MYRFL: variants seen among roughly 807,000 people sequenced by gnomAD.
The protein encoded by MYRFL is myelin regulatory factor-like protein.
A neutral mutation model predicts 109.4 loss-of-function variants in MYRFL; 88 were observed. The ratio of observed to expected loss-of-function variants is 0.80; its 90% CI spans 0.68 to 0.96. MYRFL has a LOEUF of 0.96. MYRFL is among the 40% of genes least tolerant of loss of function. The pLI, the probability that MYRFL is intolerant of heterozygous loss-of-function variation, is 0.00. For missense variants in MYRFL, 957 were observed against 954.9 expected, an observed-to-expected ratio of 1.00 and a Z score of -0.03; for synonymous variants, 324 against 320.9, an observed-to-expected ratio of 1.01 and a Z score of -0.10.
chr12:69,957,493 A>T (rs1205636087), intron 22 of MYRFL, among the ~76,000 whole-genome samples: 1 of 152,186 alleles, frequency 6.6e-6, no homozygotes, highest in Non-Finnish European at 1.5e-5. Flanking sequence ...TGGGTGGCCG[A>T]GGCGTTAGGG....
chr12:69,949,732 T>G (rs1955929508), intron 19 of MYRFL, among the ~76,000 whole-genome samples: 1 of 152,062 alleles, frequency 6.6e-6, no homozygotes, highest in South Asian at 2.1e-4. Flanking sequence ...CTTCTTCCAG[T>G]GTGGCCTAGG....
chr12:69,873,702 C>T (rs1659795473), intron 2 of MYRFL, among the ~76,000 whole-genome samples: 1 of 152,158 alleles, frequency 6.6e-6, no homozygotes, highest in Non-Finnish European at 1.5e-5. Flanking sequence ...TTAAAACTTA[C>T]AAATTATTTA....
At position 69,897,198 on chromosome 12, in the gene MYRFL, C is replaced by T; in HGVS notation, c.1134C>T (p.Asp378=). ...LVVGLYAANQ[D]QFYLLSAHIS... ...TTGGACTGTATGCTGCTAACCAAGACCAGTTCTATCTGTTGTCTGCCCACA... is the reference window on the plus strand; with the variant it reads ...TTGGACTGTATGCTGCTAACCAAGATCAGTTCTATCTGTTGTCTGCCCACA... Residue 378 remains aspartate, a synonymous_variant, in exon 10 of 25, where the codon GAC becomes GAT. Coordinates refer to ENST00000552032, the MANE Select transcript of MYRFL (RefSeq NM_182530.3). 4 of 1,535,836 alleles carry T rather than the reference C, an allele frequency of 2.6e-6. No homozygotes were observed. The highest frequency in any genetic ancestry group is 1.4e-5 in the African/African-American group (1 of 73,148).
chr12:69,869,925 G>A (rs1383276145), intron 2 of MYRFL, among the ~76,000 whole-genome samples: 3 of 152,138 alleles, frequency 2.0e-5, no homozygotes, highest in African/African-American at 4.8e-5. Context: ...TAGCTGGAGG[G>A]CAAAGTCTAT....
chr12:69,861,792 C>T (rs1398848812), intron 2 of MYRFL, among the ~76,000 whole-genome samples: 1 of 150,278 alleles, frequency 6.7e-6, no homozygotes, highest in Non-Finnish European at 1.5e-5. Context: ...GTTGCCATTG[C>T]TTTTGGTGTT....
intron 2 of MYRFL, among the ~76,000 whole-genome samples, chr12:69,858,470 C>T (rs900448966): frequency 9.2e-5 from 14 of 151,908 alleles, no homozygotes; most frequent in Non-Finnish European, 1.9e-4. Context: ...GCAAAATAAT[C>T]TGTTCCTTTG....
intron 11 of MYRFL, among the ~76,000 whole-genome samples, chr12:69,909,340 G>A (rs4576864): frequency 0.11 from 16,703 of 152,222 alleles, 1,280 homozygotes; most frequent in Non-Finnish European, 0.16. Flanking sequence ...GGGAGGAGCT[G>A]AGGGCCATGA....
intron 11 of MYRFL, among the ~76,000 whole-genome samples, chr12:69,906,818 C>T (rs956157381): frequency 1.8e-4 from 28 of 152,304 alleles, no homozygotes; most frequent in African/African-American, 6.5e-4. Context: ...GATAGCCTTC[C>T]CTGAACAGAC....
chr12:69,901,893 G>GT lies in MYRFL; in HGVS notation c.1183-1743dup, dbSNP rs532574773. Reference sequence around the variant, plus strand: ...CATTCTTTCACTGCTGTTTTTTTTTGTTTTTTTTAAATTTTCTTGAGACAG... The same window carrying GT: ...CATTCTTTCACTGCTGTTTTTTTTTGTTTTTTTTTAAATTTTCTTGAGACAG... On this transcript the variant is annotated intron_variant, in intron 10 of 24. Coordinates refer to ENST00000552032, the MANE Select transcript of MYRFL (RefSeq NM_182530.3). Among the ~76,000 whole-genome samples, 332 of 139,972 alleles carry GT rather than the reference G, an allele frequency of 2.4e-3. 4 individuals carry two copies. Among genetic ancestry groups the GT allele is most frequent in the African/African-American group, 7.4e-3 (275 of 37,268 alleles). The allele number at this position is 139,972 out of a possible 152,430, so 91.8% of individuals were successfully genotyped here. A position where few individuals can be genotyped will look rare whatever the true frequency, so the allele number is the denominator to read the frequency against.
chr12:69,850,747 T>A (rs1883830045), intron 1 of MYRFL, among the ~76,000 whole-genome samples: 1 of 152,194 alleles, frequency 6.6e-6, no homozygotes, highest in African/African-American at 2.4e-5. Context: ...AGAATTTCAG[T>A]CTAAATCCTA....
intron 15 of MYRFL, among the ~76,000 whole-genome samples, chr12:69,930,729 T>G (rs1955244820): frequency 6.6e-6 from 1 of 151,536 alleles, no homozygotes; most frequent in Non-Finnish European, 1.5e-5. Flanking sequence ...GGAGGATCGC[T>G]TGAGCCCAGG....
chr12:69,903,433 C>T (rs1954252254), intron 10 of MYRFL, among the ~76,000 whole-genome samples: 2 of 152,132 alleles, frequency 1.3e-5, no homozygotes, highest in South Asian at 4.1e-4. Flanking sequence ...TACAGAGCTC[C>T]TGCTAGCGGG....
intron 13 of MYRFL, among the ~76,000 whole-genome samples, chr12:69,923,936 T>C (rs981523718): frequency 2.0e-5 from 3 of 152,148 alleles, no homozygotes; most frequent in Non-Finnish European, 2.9e-5. Flanking sequence ...ATGCCTGTAA[T>C]CCCAGCACTC....
At chr12:69,918,687 A>T (rs1954820253) in intron 13 of MYRFL, among the ~76,000 whole-genome samples, 2 of 152,204 alleles carry the variant, frequency 1.3e-5, no homozygotes, top group African/African-American at 2.4e-5. Context: ...TATTGTTTTA[A>T]TTTAACTTTC....
intron 1 of MYRFL, among the ~76,000 whole-genome samples, chr12:69,846,494 A>G (rs909620597): frequency 2.0e-5 from 3 of 151,804 alleles, no homozygotes; most frequent in African/African-American, 2.4e-5. Flanking sequence ...ATGATTTCCA[A>G]TTTCATCCAT....
At chr12:69,928,432 T>C (rs1192848344) in intron 15 of MYRFL, among the ~76,000 whole-genome samples, 1 of 152,182 alleles carries the variant, frequency 6.6e-6, no homozygotes, top group Non-Finnish European at 1.5e-5. Context: ...AGGTGGCCCT[T>C]CCCTGGGGAA....
chr12:69,825,723 GGGAGCAAAATTCAATGGTAT>G (rs1294728007), intron 1 of MYRFL, among the ~76,000 whole-genome samples, 160 bp downstream of exon 1: 1 of 152,048 alleles, frequency 6.6e-6, no homozygotes, highest in Non-Finnish European at 1.5e-5. Context: ...TTGCTACATT[GGGAGCAAAATTCAATGGTAT>G]GGATAGAGAT....
rs944049686 is a variant in MYRFL, at chr12:69,958,524, G to A, written c.2726G>A (p.Cys909Tyr). 2 of 1,531,992 alleles carry A rather than the reference G, an allele frequency of 1.3e-6. No individual in the cohort carries two copies. The highest frequency in any genetic ancestry group is 1.2e-5 in the South Asian group (1 of 82,560). 94.9% of individuals were successfully genotyped at this position (1,531,992 alleles called of 1,614,324 possible). A position where few individuals can be genotyped will look rare whatever the true frequency, so the allele number is the denominator to read the frequency against. Residue 909 changes from cysteine to tyrosine, a missense_variant, in exon 25 of 25, where the codon TGT becomes TAT. By Grantham distance (194) the Cys-to-Tyr change is radical. Coordinates refer to ENST00000552032, the MANE Select transcript of MYRFL (RefSeq NM_182530.3). ...TACTTCTTTTACTTCTATCGACGCT[G>A]TGCCTAATTTGTTCAAGTTTGGGGA... ...TDYFFYFYRR[C>Y]A is the part of the protein sequence containing the mutation.
chr12:69,886,925 A>G lies in MYRFL; in HGVS notation c.662A>G (p.His221Arg). 2 of 1,535,912 alleles carry G rather than the reference A, an allele frequency of 1.3e-6. No homozygotes were observed. Among genetic ancestry groups the G allele is most frequent in the Non-Finnish European group, 1.7e-6 (2 of 1,146,720 alleles). Residue 221 changes from histidine to arginine, a missense_variant, in exon 6 of 25, where the codon CAT (histidine) becomes CGT (arginine). Coordinates refer to ENST00000552032, the MANE Select transcript of MYRFL (RefSeq NM_182530.3). Reference protein sequence around the residue: ...CSPALKWQPCHSVPWHSLLNS... With the variant: ...CSPALKWQPCRSVPWHSLLNS... Reference sequence around the variant, plus strand: ...CCTGCTCTGAAGTGGCAACCATGCCATAGTGTTCCTTGGCACAGCTTATTA... The same window carrying G: ...CCTGCTCTGAAGTGGCAACCATGCCGTAGTGTTCCTTGGCACAGCTTATTA...
Sources: gnomAD v4.1 joint callset for allele counts (sites outside exome capture counted in the v4.1 genomes callset) on GRCh38, gnomAD v4.1.1 for gene constraint, MANE v1.5 for transcripts, NCBI Gene and HGNC (gene_info 2026-07-23, HGNC 2026-07-21) for gene names.